Variants in PLCG2 observed in about 807,000 individuals in gnomAD.
PLCG2 encodes 1-phosphatidylinositol 4,5-bisphosphate phosphodiesterase gamma-2.
In PLCG2, 69 loss-of-function variants were observed where a neutral mutation model predicts 175.6. The observed-to-expected ratio is 0.39, with a 90% CI of 0.32 to 0.48. The LOEUF is 0.48. Among genes scored for constraint, PLCG2 ranks in the 20% least tolerant of loss-of-function variants. The pLI is 0.91. For missense variants in PLCG2, 1,798 were observed against 1,650.9 expected (o/e 1.09, Z -1.54); for synonymous variants, 827 against 624.0 (o/e 1.33, Z -4.85).
intron 7 of PLCG2, among the ~76,000 whole-genome samples, chr16:81,871,458 C>T (rs935653644): frequency 1.1e-4 from 16 of 152,144 alleles, no homozygotes; most frequent in African/African-American, 3.9e-4. Context: ...TGTGCCTTAG[C>T]CTCCCCAGTA....
Position 81,858,440 on chromosome 16 carries a change from A to G in PLCG2, c.431+84A>G, listed in dbSNP as rs879362064. 762 of 283,754 alleles carry G rather than the reference A, an allele frequency of 2.7e-3. 8 individuals are homozygous for G. In the Middle Eastern group the frequency reaches 0.039, roughly 14 times the overall value. 17.6% of individuals were successfully genotyped at this position (283,754 alleles called of 1,614,324 possible). A position where few individuals can be genotyped will look rare whatever the true frequency, so the allele number is the denominator to read the frequency against. On this transcript the variant is annotated intron_variant, in intron 4 of 32. Coordinates refer to ENST00000564138, the MANE Select transcript of PLCG2 (RefSeq NM_002661.5). ...TAGCCAACATGGGCTACAGGGGGGA[A>G]AAAAAAAAAAAGGGACATTGGTTTT...
rs193228768 is a variant in PLCG2 at position 81,882,018 on chromosome 16, G to C, written c.692+1065G>C. Reference sequence around the variant, plus strand: ...CTGTGAGGCTGGTGGGGAAAGGTTAGAATTGTACTCATAATCAAAGACAAC... The same window carrying C: ...CTGTGAGGCTGGTGGGGAAAGGTTACAATTGTACTCATAATCAAAGACAAC... On this transcript the variant is annotated intron_variant, in intron 8 of 32. Transcript: ENST00000564138. Among the ~76,000 whole-genome samples, 25 of 152,322 alleles carry C rather than the reference G, an allele frequency of 1.6e-4. 1 individual carries two copies. Among genetic ancestry groups the C allele is most frequent in the African/African-American group, 6.0e-4 (25 of 41,570 alleles).
intron 2 of PLCG2, among the ~76,000 whole-genome samples, chr16:81,806,807 C>A (rs946021927): frequency 1.3e-5 from 2 of 151,414 alleles, no homozygotes; most frequent in African/African-American, 2.4e-5. Context: ...GTTTTGAGGG[C>A]TTCAGGAATG....
chr16:81,848,080 GACTT>G (rs1380309233), intron 2 of PLCG2, among the ~76,000 whole-genome samples: 2 of 152,214 alleles, frequency 1.3e-5, no homozygotes, highest in African/African-American at 4.8e-5. Context: ...AGGACTGCAA[GACTT>G]ACTCTAACGT....
At chr16:81,884,298 C>T (rs1447639503) in intron 9 of PLCG2, among the ~76,000 whole-genome samples, 1 of 152,064 alleles carries the variant, frequency 6.6e-6, no homozygotes, top group Non-Finnish European at 1.5e-5. Context: ...TTGCAGTGAG[C>T]CGAGATTGCG....
chr16:81,865,784 C>T (rs1000009927), intron 5 of PLCG2, among the ~76,000 whole-genome samples: 33 of 149,612 alleles, frequency 2.2e-4, no homozygotes, highest in African/African-American at 7.9e-4. Context: ...CTCTCCCTTG[C>T]TCCCAGGATG....
rs371214101 is a variant in PLCG2, at chr16:81,895,792, C to T, written c.1073-15C>T. 95 of 1,613,838 alleles carry T rather than the reference C, an allele frequency of 5.9e-5. No individual in the cohort carries two copies. Among genetic ancestry groups the T allele is most frequent in the African/African-American group, 1.6e-4 (12 of 74,900 alleles). Reference sequence around the variant, plus strand: ...AACACACGTGGTATTGAGGCTGCCGCGTTTCTCCCTGTAGTGGACTGCTGG... The same window carrying T: ...AACACACGTGGTATTGAGGCTGCCGTGTTTCTCCCTGTAGTGGACTGCTGG... On this transcript the variant is annotated splice_polypyrimidine_tract_variant and intron_variant, in intron 12 of 32. Coordinates refer to ENST00000564138, the MANE Select transcript of PLCG2 (RefSeq NM_002661.5).
chr16:81,928,845 G>T (rs1326651679), intron 24 of PLCG2: 6 of 478,234 alleles, frequency 1.3e-5, no homozygotes, highest in Non-Finnish European at 2.3e-5. Flanking sequence ...ACAAGGTCTC[G>T]TACATAAGTG....
rs980587839 is a variant in PLCG2 at position 81,961,961 on chromosome 16, C to G, written c.*3963C>G. On this transcript the variant is annotated 3_prime_UTR_variant, in exon 33 of 33. Coordinates refer to ENST00000564138, the MANE Select transcript of PLCG2 (RefSeq NM_002661.5). ...GCGATCTGGCTGCGACATCTGTCAC[C>G]CCATTGATCGCCAGGGTTGATTCGG... 5.1e-6 allele frequency: 1 copy of G among 197,370 alleles called. No homozygotes were observed. The highest frequency in any genetic ancestry group is 1.1e-5 in the Non-Finnish European group (1 of 94,082). The allele number at this position is 197,370 out of a possible 1,614,324, so 12.2% of individuals were successfully genotyped here.
chr16:81,954,994 A>G (rs185675011), intron 31 of PLCG2, among the ~76,000 whole-genome samples: 135 of 152,268 alleles, frequency 8.9e-4, no homozygotes, highest in Admixed American at 1.4e-3. Context: ...CAGCCTCGCC[A>G]GCATCTATTG....
intron 2 of PLCG2, among the ~76,000 whole-genome samples, chr16:81,756,820 T>G (rs1909938892): frequency 6.6e-6 from 1 of 152,202 alleles, no homozygotes; most frequent in Non-Finnish European, 1.5e-5. Context: ...TCAGTGAGCT[T>G]GCTGCCTTAT....
At chr16:81,873,452 G>A (rs181385599) in intron 7 of PLCG2, among the ~76,000 whole-genome samples, 50 of 152,330 alleles carry the variant, frequency 3.3e-4, no homozygotes, top group African/African-American at 1.2e-3. Context: ...AATGATGACA[G>A]TGTGCGTATG....
rs1018511099 is a variant in PLCG2 at position 81,854,578 on chromosome 16, A to T, written c.328A>T (p.Ser110Cys). The change falls in exon 3 of 33, where the codon AGC becomes TGC. Residue 110 changes from serine (S) to cysteine (C), a missense_variant. By Grantham distance (112) the Ser-to-Cys change is moderately radical. Transcript: ENST00000564138. ...YGTQFVLSTL[S>C]LAADSKEDAV... The stretch of plus-strand genomic sequence containing the variant: ...CACTCAGTTCGTCCTCAGCACGCTC[A>T]GCTTGGCAGGTAGGTGCATGTTTCT... 18 of 1,613,698 alleles carry T rather than the reference A, an allele frequency of 1.1e-5. No individual in the cohort carries two copies. Among genetic ancestry groups the T allele is most frequent in the Non-Finnish European group, 1.5e-5 (18 of 1,179,690 alleles).
chr16:81,816,729 T>C lies in PLCG2; in HGVS notation c.193+30547T>C, dbSNP rs1377194459. On this transcript the variant is annotated intron_variant, in intron 2 of 32. Transcript: ENST00000564138. ...GTTGTCTAGGCTGGTCTTAAACTCC[T>C]GGGCTAAAGCAGTCCTCGCATTTCA... 4.2e-5 allele frequency among the ~76,000 whole-genome samples: 6 copies of C among 141,360 alleles called. 1 individual carries two copies. The highest frequency in any genetic ancestry group is 9.1e-5 in the Non-Finnish European group (6 of 66,060). The allele number at this position is 141,360 out of a possible 152,430, so 92.7% of individuals were successfully genotyped here.
chr16:81,885,462 C>G (rs1908314476), intron 9 of PLCG2, among the ~76,000 whole-genome samples: 1 of 152,222 alleles, frequency 6.6e-6, no homozygotes, highest in Non-Finnish European at 1.5e-5. Context: ...CTGTGCCCGG[C>G]CCACTTTGCC....
intron 13 of PLCG2, among the ~76,000 whole-genome samples, chr16:81,897,525 CT>C (rs1433023337): frequency 6.8e-6 from 1 of 147,510 alleles, no homozygotes; most frequent in Non-Finnish European, 1.5e-5. Flanking sequence ...TATTTTTTCT[CT>C]TTTTTTCTTT....
chr16:81,910,491 C>G, intron 17 of PLCG2, 29 bp from the exon 18 acceptor site: 16 of 1,609,450 alleles, frequency 9.9e-6, no homozygotes, highest in Non-Finnish European at 1.4e-5. Context: ...CTGCGTTCTC[C>G]CAGCACTGAT....
chr16:81,905,182 T>C lies in PLCG2; in HGVS notation c.1363-221T>C, dbSNP rs7184201. On this transcript the variant is annotated intron_variant, in intron 14 of 32. Transcript: ENST00000564138. ...GCTTATAGGTGTGAGCCACTGCGCC[T>C]GACCAGTATGGGCAATTTTTAGATG... 0.87 allele frequency among the ~76,000 whole-genome samples: 132,514 copies of C among 152,152 alleles called. 57,864 individuals are homozygous for C. The highest frequency in any genetic ancestry group is 0.97 in the East Asian group (5,036 of 5,184).
intron 2 of PLCG2, among the ~76,000 whole-genome samples, chr16:81,803,209 C>T (rs929531355): frequency 1.3e-5 from 2 of 149,634 alleles, no homozygotes; most frequent in African/African-American, 2.4e-5. Flanking sequence ...AGCTCTGCCT[C>T]ATGGGTTCAT....
Sources: allele counts gnomAD v4.1 joint callset (sites outside exome capture counted in the v4.1 genomes callset), GRCh38; gene constraint gnomAD v4.1.1; transcripts MANE v1.5; gene names NCBI Gene and HGNC (gene_info 2026-07-23, HGNC 2026-07-21).